TMEM74: variants seen among roughly 807,000 people sequenced by gnomAD.
The protein encoded by TMEM74 is transmembrane protein 74.
TMEM74 carries 13 observed loss-of-function variants against 18.1 expected under a neutral mutation model. The ratio of observed to expected loss-of-function variants is 0.72; its 90% confidence interval spans 0.47 to 1.14. The LOEUF (loss-of-function observed/expected upper bound fraction) is 1.14, where lower values mean the gene tolerates loss of function less well. Ranked by LOEUF, TMEM74 falls within the 50% of genes most tolerant of loss-of-function variation. TMEM74 has a pLI of 0.00. For synonymous variants in TMEM74, 159 were observed against 146.6 expected (o/e 1.08, Z -0.61); for missense variants, 372 against 375.9 (o/e 0.99, Z 0.09).
At chr8:108,769,484 C>T (rs1814147802) in intron 1 of TMEM74, among the ~76,000 whole-genome samples, 1 of 152,138 alleles carries the variant, frequency 6.6e-6, no homozygotes, top group South Asian at 2.1e-4. Flanking sequence ...CTGCTGTCCT[C>T]TTTTCTCCCT....
chr8:108,622,139 A>T (rs1345002134), intron 2 of TMEM74, among the ~76,000 whole-genome samples: 1 of 152,138 alleles, frequency 6.6e-6, no homozygotes, highest in Non-Finnish European at 1.5e-5. Flanking sequence ...AAACGAGAAT[A>T]AGTTTTCAAA....
At chr8:108,628,624 T>G (rs945698891) in intron 2 of TMEM74, among the ~76,000 whole-genome samples, 1 of 152,118 alleles carries the variant, frequency 6.6e-6, no homozygotes, top group African/African-American at 2.4e-5. Flanking sequence ...GTAGAATGAT[T>G]TATAATCCTT....
intron 1 of TMEM74, among the ~76,000 whole-genome samples, chr8:108,761,665 C>T (rs1814046131): frequency 6.6e-6 from 1 of 152,062 alleles, no homozygotes; most frequent in Admixed American, 6.6e-5. Flanking sequence ...TCCTATTCTC[C>T]TATCTGTCCA....
chr8:108,740,149 A>T (rs143940974), intron 1 of TMEM74, among the ~76,000 whole-genome samples: 297 of 152,314 alleles, frequency 1.9e-3, no homozygotes, highest in African/African-American at 6.8e-3. Context: ...CAGCAAGTCT[A>T]GACACATTCC....
intron 1 of TMEM74, among the ~76,000 whole-genome samples, chr8:108,686,881 A>G (rs1310045057): frequency 6.6e-6 from 1 of 152,168 alleles, no homozygotes. Flanking sequence ...ATGGTGAGTA[A>G]TCAACACTCC....
intron 1 of TMEM74, among the ~76,000 whole-genome samples, chr8:108,765,023 C>G (rs73311981): frequency 0.027 from 4,157 of 152,170 alleles, 203 homozygotes; most frequent in African/African-American, 0.095. Flanking sequence ...CTTCCCCTTC[C>G]GTTTTCAGCC....
chr8:108,748,703 G>T (rs748591590), intron 1 of TMEM74, among the ~76,000 whole-genome samples: 1 of 148,216 alleles, frequency 6.7e-6, no homozygotes, highest in African/African-American at 2.5e-5. Context: ...TTTTTAATAG[G>T]TTTTTTCTTT....
intron 2 of TMEM74, among the ~76,000 whole-genome samples, chr8:108,639,266 T>C (rs1812638552): frequency 6.6e-6 from 1 of 152,146 alleles, no homozygotes; most frequent in South Asian, 2.1e-4. Flanking sequence ...TTATTTTCAG[T>C]TTATATATGA....
rs745624490 is a variant in TMEM74 at position 108,782,204 on chromosome 8, C to T, written c.*1977G>A. On this transcript the variant is annotated 3_prime_UTR_variant, in exon 2 of 2. Coordinates refer to ENST00000297459, the MANE Select transcript of TMEM74 (RefSeq NM_153015.3). Reference sequence around the variant, plus strand: ...AGCAGGCTAGAGCTGGACTTAGAAACCTTCAGAATATAAAACTTATACCAC... The same window carrying T: ...AGCAGGCTAGAGCTGGACTTAGAAATCTTCAGAATATAAAACTTATACCAC... Among the ~76,000 whole-genome samples, 12 of 152,032 alleles carry T rather than the reference C, an allele frequency of 7.9e-5. No individual in the cohort carries two copies. The highest frequency in any genetic ancestry group is 1.5e-4 in the Non-Finnish European group (10 of 68,020).
intron 2 of TMEM74, among the ~76,000 whole-genome samples, chr8:108,634,056 AC>A (rs1189606617): frequency 6.6e-6 from 1 of 152,010 alleles, no homozygotes; most frequent in Non-Finnish European, 1.5e-5. Context: ...GACAAAAGTT[AC>A]CGGCAAACTG....
intron 1 of TMEM74, among the ~76,000 whole-genome samples, chr8:108,685,620 C>A (rs1727923545): frequency 6.6e-6 from 1 of 152,020 alleles, no homozygotes; most frequent in Non-Finnish European, 1.5e-5. Context: ...AATAAGGGTG[C>A]CTAATTCTAT....
chr8:108,725,324 T>G (rs956104828), intron 1 of TMEM74, among the ~76,000 whole-genome samples: 1 of 152,200 alleles, frequency 6.6e-6, no homozygotes, highest in South Asian at 2.1e-4. Context: ...CTGAAAGTTA[T>G]AATTCCTAAT....
chr8:108,620,612 G>T lies in TMEM74; in HGVS notation n.265-11786C>A, dbSNP rs535328607. On this transcript the variant is annotated intron_variant and non_coding_transcript_variant, in intron 2 of 3. Transcript: ENST00000518838. ...TGGTGAAGCTGGCATTTAAACTCAG[G>T]TCTGTATGTTTCCAGGTTTGTGTAT... 2.7e-4 allele frequency among the ~76,000 whole-genome samples: 41 copies of T among 152,206 alleles called. No homozygotes were observed. The South Asian group carries it at 7.3e-3, about 27-fold the overall frequency.
At chr8:108,697,552 G>A (rs536153387) in intron 1 of TMEM74, among the ~76,000 whole-genome samples, 1 of 151,982 alleles carries the variant, frequency 6.6e-6, no homozygotes, top group East Asian at 1.9e-4. Flanking sequence ...TATGTAGCTG[G>A]GACCACAGGC....
intron 1 of TMEM74, among the ~76,000 whole-genome samples, chr8:108,747,879 C>G (rs367629317): frequency 4.2e-4 from 64 of 152,212 alleles, no homozygotes; most frequent in African/African-American, 1.4e-3. Flanking sequence ...CACGTCCCTG[C>G]AAAGGACATG....
rs562720530 is a variant in TMEM74, at chr8:108,705,693, T to C, written n.120-50256A>G. 9.0e-4 allele frequency among the ~76,000 whole-genome samples: 137 copies of C among 152,172 alleles called. 2 individuals are homozygous for C. Among genetic ancestry groups the C allele is most frequent in the African/African-American group, 3.3e-3 (135 of 41,490 alleles). On this transcript the variant is annotated intron_variant and non_coding_transcript_variant, in intron 1 of 3. Transcript: ENST00000518838. ...GAGCTCGTACATCTTTTATGTACCT[T>C]ACAAGGTGGCTGCAGGAGTCTTATG...
At chr8:108,775,427 C>G (rs77579094), downstream of TMEM74, among the ~76,000 whole-genome samples, 2,733 of 152,284 alleles carry the variant, frequency 0.018, 90 homozygotes, top group African/African-American at 0.062. Context: ...TATTAAGGCT[C>G]AAACAGTCTA....
intron 1 of TMEM74, among the ~76,000 whole-genome samples, chr8:108,744,465 C>G (rs1424286418): frequency 6.6e-6 from 1 of 151,986 alleles, no homozygotes; most frequent in African/African-American, 2.4e-5. Context: ...TTATACATTT[C>G]CTTAAAGGGG....
chr8:108,668,001 C>G (rs1812966505), intron 1 of TMEM74, among the ~76,000 whole-genome samples: 1 of 152,196 alleles, frequency 6.6e-6, no homozygotes. Context: ...TGCTCCTCCA[C>G]ATTTCCTGGT....
Sources: gnomAD v4.1 joint callset for allele counts (sites outside exome capture counted in the v4.1 genomes callset) on GRCh38, gnomAD v4.1.1 for gene constraint, MANE v1.5 for transcripts, NCBI Gene and HGNC (gene_info 2026-07-23, HGNC 2026-07-21) for gene names.